The following SNTG2 variants were observed in gnomAD, a reference collection of about 807,000 sequenced individuals.
SNTG2 encodes the protein syntrophin gamma 2.
Under a neutral mutation model 70.9 loss-of-function variants are expected in SNTG2, and 74 were observed. The observed-to-expected ratio is 1.04, with a 90% CI of 0.86 to 1.27. SNTG2 has a LOEUF of 1.27. SNTG2 is among the 50% of genes most tolerant of loss of function. The pLI, the probability that SNTG2 is intolerant of heterozygous loss-of-function variation, is 0.00. For synonymous variants in SNTG2, 278 were observed against 273.8 expected (o/e 1.02, Z -0.15); for missense variants, 717 against 690.7 (o/e 1.04, Z -0.43).
At chr2:1,144,758 C>T (rs1377644359) in intron 6 of SNTG2, among the ~76,000 whole-genome samples, 3 of 152,144 alleles carry the variant, frequency 2.0e-5, no homozygotes, top group African/African-American at 7.2e-5. Context: ...AAACTGCCAC[C>T]ATGATTCAAT....
At chr2:986,239 C>G (rs904232616) in intron 1 of SNTG2, among the ~76,000 whole-genome samples, 1 of 152,136 alleles carries the variant, frequency 6.6e-6, no homozygotes, top group Non-Finnish European at 1.5e-5. Flanking sequence ...ACTCTCATGG[C>G]CTGAGCAGAG....
intron 1 of SNTG2, among the ~76,000 whole-genome samples, chr2:1,079,606 T>C (rs1664150084): frequency 6.6e-6 from 1 of 152,336 alleles, no homozygotes; most frequent in Non-Finnish European, 1.5e-5. Flanking sequence ...AAATTTTATA[T>C]ATTTAAAATA....
At chr2:1,240,997 T>C (rs182667641) in intron 11 of SNTG2, among the ~76,000 whole-genome samples, 15 of 152,356 alleles carry the variant, frequency 9.8e-5, no homozygotes, top group East Asian at 7.7e-4. Flanking sequence ...CATATCTCTC[T>C]ATGGTTCACA....
intron 9 of SNTG2, among the ~76,000 whole-genome samples, chr2:1,221,421 G>C (rs930417717): frequency 7.1e-6 from 1 of 140,618 alleles, no homozygotes; most frequent in African/African-American, 2.7e-5. Flanking sequence ...CTCTGGTTTT[G>C]TCTCTGTCTC....
Position 953,396 on chromosome 2 carries a change from C to T in SNTG2, c.72+2328C>T, listed in dbSNP as rs191494005. Among the ~76,000 whole-genome samples the T allele has an allele frequency of 2.6e-5, 4 of 152,328 alleles. No individual in the cohort carries two copies. The East Asian group carries it at 7.7e-4, about 29-fold the overall frequency. On this transcript the variant is annotated intron_variant, in intron 1 of 16. Coordinates refer to ENST00000308624, the MANE Select transcript of SNTG2 (RefSeq NM_018968.4). ...GCGCTGGAAGAATTATTGGCATGAG[C>T]CGGGAACATGCCCATTTATGTGATG...
intron 16 of SNTG2, among the ~76,000 whole-genome samples, chr2:1,363,299 C>T (rs539150310): frequency 3.9e-5 from 6 of 152,318 alleles, no homozygotes; most frequent in South Asian, 4.1e-4. Context: ...CCAAGGATAA[C>T]GGTTTCAAAA....
chr2:1,109,395 A>T (rs1443076187), intron 4 of SNTG2, among the ~76,000 whole-genome samples: 2 of 152,152 alleles, frequency 1.3e-5, no homozygotes, highest in East Asian at 3.9e-4. Flanking sequence ...CTGAAAAAGG[A>T]TGTGGAAGTC....
chr2:1,068,218 A>T (rs1663283951), intron 1 of SNTG2: 1 of 152,172 alleles, frequency 6.6e-6, no homozygotes, highest in Admixed American at 6.5e-5. Flanking sequence ...TTTCCCACAG[A>T]TCCTCACATA....
chr2:1,130,848 A>G (rs1427347716), intron 4 of SNTG2, among the ~76,000 whole-genome samples: 1 of 152,168 alleles, frequency 6.6e-6, no homozygotes, highest in Non-Finnish European at 1.5e-5. Flanking sequence ...GTCTGTTGAA[A>G]CTTAGGCGTT....
At chr2:1,321,138 C>G (rs896127644) in intron 16 of SNTG2, among the ~76,000 whole-genome samples, 1 of 152,070 alleles carries the variant, frequency 6.6e-6, no homozygotes, top group African/African-American at 2.4e-5. Context: ...AATGGGATAC[C>G]TTAATGCTCA....
At position 1,111,466 on chromosome 2, in the gene SNTG2, T is replaced by G. The variant is rs370944698; in HGVS notation, c.325+13056T>G. On this transcript the variant is annotated intron_variant, in intron 4 of 16. Coordinates refer to ENST00000308624, the MANE Select transcript of SNTG2 (RefSeq NM_018968.4). ...TGTGCAGCAGAGAATCCAGTTGTTTTGCTTTAGAAAGTGCCTGAAGAACAA... is the reference window on the plus strand; with the variant it reads ...TGTGCAGCAGAGAATCCAGTTGTTTGGCTTTAGAAAGTGCCTGAAGAACAA... 1.9e-4 allele frequency among the ~76,000 whole-genome samples: 29 copies of G among 152,300 alleles called. No individual in the cohort carries two copies. The Middle Eastern group carries it at 0.014, about 71-fold the overall frequency.
chr2:1,236,479 C>G (rs1317799775), intron 9 of SNTG2, among the ~76,000 whole-genome samples: 1 of 152,244 alleles, frequency 6.6e-6, no homozygotes. Flanking sequence ...CTGGCTTCTT[C>G]CCCTCTCCGG....
At chr2:1,082,107 G>A (rs1361239807) in intron 1 of SNTG2, among the ~76,000 whole-genome samples, 1 of 152,138 alleles carries the variant, frequency 6.6e-6, no homozygotes, top group Non-Finnish European at 1.5e-5. Context: ...GGCTTGGTTG[G>A]CAGCTTCCCT....
At chr2:1,079,270 AGGGCACAGGAAG>A (rs1345498331) in intron 1 of SNTG2, among the ~76,000 whole-genome samples, 1 of 141,260 alleles carries the variant, frequency 7.1e-6, no homozygotes, top group Admixed American at 7.7e-5. Context: ...TGATGTCTCC[AGGGCACAGGAAG>A]GGGCACAGAA....
At position 961,409 on chromosome 2, in the gene SNTG2, G is replaced by A. The variant is rs544616777; in HGVS notation, c.72+10341G>A. On this transcript the variant is annotated intron_variant, in intron 1 of 16. Coordinates refer to ENST00000308624, the MANE Select transcript of SNTG2 (RefSeq NM_018968.4). ...ATTACAGGAGTGAGCCACTGTGCCC[G>A]TGGAGATGAACCATGTCTGTGAACT... 7.0e-4 allele frequency among the ~76,000 whole-genome samples: 107 copies of A among 152,234 alleles called. No individual in the cohort carries two copies. The East Asian group carries it at 9.3e-3, about 13-fold the overall frequency.
At chr2:1,006,256 A>G (rs559264879) in intron 1 of SNTG2, among the ~76,000 whole-genome samples, 28 of 151,928 alleles carry the variant, frequency 1.8e-4, no homozygotes, top group African/African-American at 6.3e-4. Context: ...GCACATGTAT[A>G]CATATGTAAC....
intron 12 of SNTG2, among the ~76,000 whole-genome samples, chr2:1,251,966 G>A (rs1025359038): frequency 3.9e-5 from 6 of 152,218 alleles, no homozygotes; most frequent in Admixed American, 2.6e-4. Flanking sequence ...CTGGATCTTT[G>A]TAAGTTTGAA....
intron 1 of SNTG2, among the ~76,000 whole-genome samples, chr2:991,156 G>A (rs1161535153): frequency 6.6e-6 from 1 of 152,064 alleles, no homozygotes; most frequent in African/African-American, 2.4e-5. Flanking sequence ...TAGTACCAGA[G>A]ACAGAGAAAA....
chr2:997,706 C>A (rs1661733719), intron 1 of SNTG2, among the ~76,000 whole-genome samples: 1 of 152,180 alleles, frequency 6.6e-6, no homozygotes, highest in African/African-American at 2.4e-5. Context: ...CAAACATAGA[C>A]CCCCCTCTGG....
Sources: allele counts gnomAD v4.1 joint callset (sites outside exome capture counted in the v4.1 genomes callset), GRCh38; gene constraint gnomAD v4.1.1; transcripts MANE v1.5; gene names NCBI Gene and HGNC (gene_info 2026-07-23, HGNC 2026-07-21).